Variants in WDPCP observed in about 807,000 individuals in gnomAD.
WDPCP encodes the protein WD repeat containing planar cell polarity effector.
In WDPCP, 71 loss-of-function variants were observed where a neutral mutation model predicts 93.1. The observed-to-expected ratio is 0.76, with a 90% confidence interval of 0.63 to 0.93. The LOEUF (loss-of-function observed/expected upper bound fraction) is 0.93, where lower values mean the gene tolerates loss of function less well. Among genes scored for constraint, WDPCP ranks in the 40% least tolerant of loss-of-function variants. The pLI is 0.00. For missense variants in WDPCP, 844 were observed against 887.4 expected (o/e 0.95, Z 0.62); for synonymous variants, 315 against 315.0 (o/e 1.00, Z 0.00).
chr2:63,215,522 C>T (rs1371856220), intron 14 of WDPCP, among the ~76,000 whole-genome samples: 2 of 152,150 alleles, frequency 1.3e-5, no homozygotes, highest in African/African-American at 4.8e-5. Flanking sequence ...AAAGCTGAAA[C>T]TGGATCCCTT....
At chr2:63,516,375 T>C (rs536762937) in intron 1 of WDPCP, among the ~76,000 whole-genome samples, 1 of 152,206 alleles carries the variant, frequency 6.6e-6, no homozygotes, top group Non-Finnish European at 1.5e-5. Flanking sequence ...GTCACTCTAC[T>C]GATTTATTAA....
intron 15 of WDPCP, among the ~76,000 whole-genome samples, chr2:63,160,136 C>G (rs1672546690): frequency 6.6e-6 from 1 of 152,076 alleles, no homozygotes; most frequent in Non-Finnish European, 1.5e-5. Context: ...AACAGCTGCT[C>G]CAATATATTC....
intron 12 of WDPCP, among the ~76,000 whole-genome samples, chr2:63,354,958 T>A (rs914579761): frequency 6.6e-6 from 1 of 152,108 alleles, no homozygotes; most frequent in Non-Finnish European, 1.5e-5. Flanking sequence ...AGAGGCCAAA[T>A]ATATGAATCA....
At chr2:63,209,708 T>C (rs1168842975) in intron 14 of WDPCP, among the ~76,000 whole-genome samples, 1 of 152,222 alleles carries the variant, frequency 6.6e-6, no homozygotes, top group African/African-American at 2.4e-5. Context: ...AGCATCTTTT[T>C]AGAATTATCT....
At chr2:63,394,867 T>C (rs1294023036) in intron 10 of WDPCP, among the ~76,000 whole-genome samples, 1 of 151,904 alleles carries the variant, frequency 6.6e-6, no homozygotes, top group Admixed American at 6.6e-5. Flanking sequence ...AAAGGAACAA[T>C]AGACAACAGG....
chr2:63,495,981 GAAAA>G (rs1177463656), intron 1 of WDPCP, among the ~76,000 whole-genome samples: 1 of 152,118 alleles, frequency 6.6e-6, no homozygotes, highest in African/African-American at 2.4e-5. Context: ...AAGTAAGAAA[GAAAA>G]GAGATGGTAA....
chr2:63,748,756 C>T (rs1669835509), intron 2 of WDPCP, among the ~76,000 whole-genome samples: 1 of 152,028 alleles, frequency 6.6e-6, no homozygotes, highest in Non-Finnish European at 1.5e-5. Context: ...TGCTGTGTAT[C>T]ACTCATGGTG....
chr2:63,734,469 C>A (rs112418589), intron 2 of WDPCP, among the ~76,000 whole-genome samples: 17 of 152,088 alleles, frequency 1.1e-4, no homozygotes, highest in African/African-American at 4.1e-4. Flanking sequence ...CATTTTCCAT[C>A]GAATGGCTGC....
chr2:63,735,181 G>C (rs184452349), intron 2 of WDPCP, among the ~76,000 whole-genome samples: 3 of 152,162 alleles, frequency 2.0e-5, no homozygotes, highest in African/African-American at 7.2e-5. Context: ...ATAATATAGA[G>C]TGGAAGTGAT....
Position 63,124,811 on chromosome 2 carries a change from C to T in WDPCP, c.2191-2755G>A, listed in dbSNP as rs541985626. On this transcript the variant is annotated intron_variant, in intron 17 of 17. Coordinates refer to ENST00000272321, the MANE Select transcript of WDPCP (RefSeq NM_015910.7). The stretch of plus-strand genomic sequence containing the variant: ...GGCTCATATGGGTTAAGTGTTTTGT[C>T]CAAAGTCAGTTAGTGGCAGAGTTGG... 2.0e-5 allele frequency among the ~76,000 whole-genome samples: 3 copies of T among 151,796 alleles called. No individual in the cohort carries two copies. The South Asian group carries it at 6.2e-4, about 32-fold the overall frequency.
chr2:63,372,204 G>T (rs1691457183), intron 12 of WDPCP, among the ~76,000 whole-genome samples: 1 of 152,114 alleles, frequency 6.6e-6, no homozygotes, highest in African/African-American at 2.4e-5. Context: ...TGGGTCATGA[G>T]GGTGGATGCC....
At chr2:63,498,823 TATA>T (rs779616224) in intron 1 of WDPCP, among the ~76,000 whole-genome samples, 1 of 152,260 alleles carries the variant, frequency 6.6e-6, no homozygotes, top group Admixed American at 6.5e-5. Flanking sequence ...TTGCTGTAGT[TATA>T]ATAAGGATAA....
chr2:63,620,018 T>C (rs1709715362), intron 3 of WDPCP, among the ~76,000 whole-genome samples: 1 of 152,218 alleles, frequency 6.6e-6, no homozygotes, highest in South Asian at 2.1e-4. Flanking sequence ...CCATAGGCTT[T>C]GCAACCCATA....
chr2:63,217,394 A>C (rs1032701600), intron 14 of WDPCP, among the ~76,000 whole-genome samples: 1 of 152,212 alleles, frequency 6.6e-6, no homozygotes, highest in African/African-American at 2.4e-5. Flanking sequence ...AGAAAAATAA[A>C]TTGCCTACCT....
intron 13 of WDPCP, 135 bp from the exon 14 acceptor site, chr2:63,259,544 G>C: frequency 1.3e-6 from 1 of 782,680 alleles, no homozygotes; most frequent in South Asian, 1.8e-5. Context: ...TGTGTTTTAA[G>C]TTTCTTAGTT....
chr2:63,529,047 T>G (rs1020273084), intron 1 of WDPCP, among the ~76,000 whole-genome samples: 1 of 152,210 alleles, frequency 6.6e-6, no homozygotes, highest in African/African-American at 2.4e-5. Context: ...ATGACTGTGA[T>G]TTTTGCACAT....
At chr2:63,705,500 T>C (rs1162137516) in intron 2 of WDPCP, among the ~76,000 whole-genome samples, 2 of 152,192 alleles carry the variant, frequency 1.3e-5, no homozygotes, top group East Asian at 3.8e-4. Flanking sequence ...ATGTTGTGTG[T>C]CTGTTCTCAT....
At chr2:63,638,811 GA>G (rs138586157) in intron 3 of WDPCP, among the ~76,000 whole-genome samples, 1 of 149,180 alleles carries the variant, frequency 6.7e-6, no homozygotes, top group African/African-American at 2.5e-5. Flanking sequence ...AAAAAAAAAG[GA>G]AAAAATCAAT....
At chr2:63,734,517 A>G (rs187563131) in intron 2 of WDPCP, among the ~76,000 whole-genome samples, 1 of 152,328 alleles carries the variant, frequency 6.6e-6, no homozygotes, top group Non-Finnish European at 1.5e-5. Flanking sequence ...TTAAAAGGCC[A>G]TGACTTTTCT....
Sources: gnomAD v4.1 joint callset for allele counts (sites outside exome capture counted in the v4.1 genomes callset) on GRCh38, gnomAD v4.1.1 for gene constraint, MANE v1.5 for transcripts, NCBI Gene and HGNC (gene_info 2026-07-23, HGNC 2026-07-21) for gene names.